TSHZ1: variants seen among roughly 807,000 people sequenced by gnomAD.
TSHZ1 encodes the protein teashirt zinc finger homeobox 1, also known as teashirt homolog 1.
Under a neutral mutation model 67.1 loss-of-function variants are expected in TSHZ1, and 12 were observed. That is an observed-to-expected ratio of 0.18 (90% CI 0.11 to 0.29). The LOEUF is 0.29. Among genes scored for constraint, TSHZ1 ranks in the 10% least tolerant of loss-of-function variants. TSHZ1 has a pLI of 1.00. For synonymous variants in TSHZ1, 632 were observed against 622.4 expected, an observed-to-expected ratio of 1.02 and a Z score of -0.23; for missense variants, 1,305 against 1,413.9, an observed-to-expected ratio of 0.92 and a Z score of 1.23.
Position 75,288,917 on chromosome 18 carries a change from G to A in TSHZ1, c.*276G>A, listed in dbSNP as rs537696349. 45 of 323,864 alleles carry A rather than the reference G, an allele frequency of 1.4e-4. No individual in the cohort carries two copies. The highest frequency in any genetic ancestry group is 8.8e-4 in the African/African-American group (41 of 46,540). The allele number at this position is 323,864 out of a possible 1,614,324, so 20.1% of individuals were successfully genotyped here. A position where few individuals can be genotyped will look rare whatever the true frequency, so the allele number is the denominator to read the frequency against. On this transcript the variant is annotated 3_prime_UTR_variant, in exon 2 of 2. Transcript: ENST00000580243. This position sits in a 1 kb window ranked among gnomAD's most constrained non-coding sequence, Gnocchi z 4.9. ...AGGAAATAGTGGGGCACACTACTCA[G>A]AGACATTATTTAGCAGTAAAGAAAG... is the stretch of plus-strand genomic sequence containing the variant.
intron 1 of TSHZ1, among the ~76,000 whole-genome samples, chr18:75,232,404 G>A (rs562064351): frequency 1.3e-5 from 2 of 152,300 alleles, no homozygotes; most frequent in East Asian, 3.9e-4. Flanking sequence ...TGATTTTGCT[G>A]ATGGCCTTTT....
At chr18:75,244,504 A>C (rs1003790287) in intron 1 of TSHZ1, 3 of 152,300 alleles carry the variant, frequency 2.0e-5, no homozygotes, top group African/African-American at 7.2e-5. Context: ...ACCTAGACTG[A>C]TATGACAGTG....
Position 75,288,482 on chromosome 18 carries a change from A to C in TSHZ1, c.3075A>C (p.Pro1025=). 2 of 1,614,194 alleles carry C rather than the reference A, an allele frequency of 1.2e-6. No homozygotes were observed. The highest frequency in any genetic ancestry group is 1.7e-5 in the Admixed American group (1 of 60,020). ...TCCTCACCAACAAAACTCTGGGCCC[A>C]CTGGGGGCCACCGAGGAAGACTTGG... is the stretch of plus-strand genomic sequence containing the variant. ...SKVLTNKTLG[P]LGATEEDLGS... Residue 1025 remains proline (P), a synonymous_variant, in exon 2 of 2, where the codon CCA becomes CCC. Coordinates refer to ENST00000580243, the MANE Select transcript of TSHZ1 (RefSeq NM_001308210.2). The surrounding 1 kb of genome is among the most constrained non-coding windows in gnomAD (Gnocchi z 4.9).
At chr18:75,217,029 A>G (rs2022778340) in intron 1 of TSHZ1, among the ~76,000 whole-genome samples, 1 of 152,204 alleles carries the variant, frequency 6.6e-6, no homozygotes, top group Admixed American at 6.5e-5. Context: ...TTCCTGATCA[A>G]TGGCGCCTGC....
chr18:75,278,422 CA>C (rs2023641893), intron 1 of TSHZ1, among the ~76,000 whole-genome samples: 1 of 152,210 alleles, frequency 6.6e-6, no homozygotes, highest in Admixed American at 6.5e-5. Flanking sequence ...TCTCCTATCT[CA>C]GGCTTTGTCC....
intron 1 of TSHZ1, among the ~76,000 whole-genome samples, chr18:75,218,924 A>AT (rs11345099): frequency 5.3e-5 from 8 of 151,012 alleles, no homozygotes; most frequent in South Asian, 4.2e-4. Context: ...GAACATGTAT[A>AT]TTTTTTTTTT....
At chr18:75,271,536 A>C (rs2023556952) in intron 1 of TSHZ1, among the ~76,000 whole-genome samples, 1 of 152,052 alleles carries the variant, frequency 6.6e-6, no homozygotes, top group Admixed American at 6.5e-5. Context: ...TGTGCTCAAT[A>C]ATGCAGCAGG....
chr18:75,233,822 C>T (rs563918043), intron 1 of TSHZ1, among the ~76,000 whole-genome samples: 7 of 152,198 alleles, frequency 4.6e-5, no homozygotes, highest in East Asian at 1.9e-4. Context: ...TTTTTTCTAG[C>T]GAGCATCCGC....
intron 1 of TSHZ1, among the ~76,000 whole-genome samples, chr18:75,255,945 AATT>A (rs1355100236): frequency 1.3e-5 from 2 of 152,204 alleles, no homozygotes; most frequent in African/African-American, 4.8e-5. Flanking sequence ...AATGAAGGTG[AATT>A]ATTAACTTAA....
chr18:75,287,063 C>T lies in TSHZ1; in HGVS notation c.1656C>T (p.Leu552=), dbSNP rs1457476975. ...DDSPKGGLDI[L]KSLENTVSTA... ...GCCCCAAGGGAGGGCTGGACATTCT[C>T]AAGTCCCTGGAGAATACCGTCTCCA... Residue 552 remains leucine (L), a synonymous_variant, in exon 2 of 2, where the codon CTC becomes CTT. Coordinates refer to ENST00000580243, the MANE Select transcript of TSHZ1 (RefSeq NM_001308210.2). This position sits in a 1 kb window ranked among gnomAD's most constrained non-coding sequence, Gnocchi z 5.0. 1.2e-6 allele frequency: 2 copies of T among 1,614,118 alleles called. No homozygotes were observed. The highest frequency in any genetic ancestry group is 2.2e-5 in the East Asian group (1 of 44,870).
intron 1 of TSHZ1, among the ~76,000 whole-genome samples, chr18:75,246,623 G>T (rs2023228312): frequency 6.6e-6 from 1 of 152,092 alleles, no homozygotes; most frequent in African/African-American, 2.4e-5. Flanking sequence ...AAGCCGTGGA[G>T]ATCATGCTCA....
rs375310680 is a variant in TSHZ1 at position 75,287,249 on chromosome 18, C to T, written c.1842C>T (p.Ser614=). Reference sequence around the variant, plus strand: ...CTGGCGGCGTGAAGTCGCTGTCTTCCGCCGAGCACAACGCCCTCCTGCACT... The same window carrying T: ...CTGGCGGCGTGAAGTCGCTGTCTTCTGCCGAGCACAACGCCCTCCTGCACT... ...SYAGGVKSLS[S]AEHNALLHSP... The change falls in exon 2 of 2, where the codon TCC becomes TCT. Residue 614 remains serine, a synonymous_variant. Transcript: ENST00000580243. This position sits in a 1 kb window ranked among gnomAD's most constrained non-coding sequence, Gnocchi z 5.0. 6.9e-5 allele frequency: 111 copies of T among 1,613,966 alleles called. No individual in the cohort carries two copies. The African/African-American group carries it at 1.0e-3, about 15-fold the overall frequency.
In TSHZ1 at chr18:75,224,794, T is replaced by C. The variant is rs534817460; in HGVS notation, c.40+12878T>C. ...GGGCATTGGATGTAGGGTAGAGGCC[T>C]GGGTCTTTGTTCTTTCATTAATCTC... is the stretch of plus-strand genomic sequence containing the variant. On this transcript the variant is annotated intron_variant, in intron 1 of 1. Coordinates refer to ENST00000580243, the MANE Select transcript of TSHZ1 (RefSeq NM_001308210.2). Among the ~76,000 whole-genome samples, 4 of 152,298 alleles carry C rather than the reference T, an allele frequency of 2.6e-5. No homozygotes were observed. The South Asian group carries it at 8.3e-4, about 32-fold the overall frequency.
chr18:75,237,426 G>T (rs1156377634), intron 1 of TSHZ1, among the ~76,000 whole-genome samples: 1 of 152,158 alleles, frequency 6.6e-6, no homozygotes, highest in Non-Finnish European at 1.5e-5. Context: ...GGAGGCTGAG[G>T]TGGGAGGATC....
chr18:75,236,904 C>T (rs1271979041), intron 1 of TSHZ1, among the ~76,000 whole-genome samples: 1 of 152,060 alleles, frequency 6.6e-6, no homozygotes, highest in East Asian at 1.9e-4. Context: ...TAAGTTAAGC[C>T]CAGGAAGGTC....
At chr18:75,237,791 C>CATTT (rs1555726446) in intron 1 of TSHZ1, among the ~76,000 whole-genome samples, 22,111 of 143,192 alleles carry the variant, frequency 0.15, 1,780 homozygotes, top group Admixed American at 0.19. Flanking sequence ...TTCTTTCTTT[C>CATTT]ATTTATTTAT....
intron 1 of TSHZ1, among the ~76,000 whole-genome samples, chr18:75,260,113 C>T (rs2023412127): frequency 6.6e-6 from 1 of 152,214 alleles, no homozygotes; most frequent in African/African-American, 2.4e-5. Context: ...AATAAATGAA[C>T]GAATGCACGA....
At chr18:75,269,249 A>G (rs1421487616) in intron 1 of TSHZ1, among the ~76,000 whole-genome samples, 1 of 152,214 alleles carries the variant, frequency 6.6e-6, no homozygotes, top group East Asian at 1.9e-4. Flanking sequence ...TTTGGATTAC[A>G]TGCAGCGTCT....
chr18:75,253,946 G>GTTT (rs2023334442), intron 1 of TSHZ1, among the ~76,000 whole-genome samples: 1 of 152,194 alleles, frequency 6.6e-6, no homozygotes. Flanking sequence ...AATCATATGG[G>GTTT]TTTGTATTTG....
Sources: gnomAD v4.1 joint callset for allele counts (sites outside exome capture counted in the v4.1 genomes callset) on GRCh38, gnomAD v4.1.1 for gene constraint, Gnocchi (gnomAD v3.1) non-coding constraint, MANE v1.5 for transcripts, NCBI Gene and HGNC (gene_info 2026-07-23, HGNC 2026-07-21) for gene names.